CNTN4: variants seen among roughly 807,000 people sequenced by gnomAD.
CNTN4 encodes contactin 4.
In CNTN4, 77 loss-of-function variants were observed where a neutral mutation model predicts 122.5. That is an observed-to-expected ratio of 0.63 (90% confidence interval 0.52 to 0.76). The LOEUF (loss-of-function observed/expected upper bound fraction) is 0.76, where lower values mean the gene tolerates loss of function less well. CNTN4 is among the 30% of genes least tolerant of loss of function. The probability of loss-of-function intolerance (pLI) is 0.00; values close to 1 mark genes in which losing one functional copy is unlikely to be tolerated. For synonymous variants in CNTN4, 512 were observed against 447.0 expected (o/e 1.15, Z -1.83); for missense variants, 1,256 against 1,259.1 (o/e 1.00, Z 0.04).
intron 24 of CNTN4, among the ~76,000 whole-genome samples, chr3:3,055,587 A>T (rs1259427971): frequency 6.6e-6 from 1 of 152,218 alleles, no homozygotes; most frequent in Non-Finnish European, 1.5e-5. Flanking sequence ...GTTTGCAGAA[A>T]AGGGGTAGAT....
chr3:2,940,282 A>G (rs1026326138), intron 13 of CNTN4, among the ~76,000 whole-genome samples: 5 of 152,248 alleles, frequency 3.3e-5, no homozygotes, highest in Non-Finnish European at 5.9e-5. Flanking sequence ...AGGTATCATG[A>G]ATGGACAGTG....
intron 2 of CNTN4, among the ~76,000 whole-genome samples, chr3:2,239,730 A>G (rs2039856789): frequency 6.6e-6 from 1 of 152,206 alleles, no homozygotes. Context: ...TACAGGGACC[A>G]AGGGAGAAAG....
At chr3:2,177,987 A>T (rs1005128197) in intron 2 of CNTN4, among the ~76,000 whole-genome samples, 23 of 151,906 alleles carry the variant, frequency 1.5e-4, no homozygotes, top group Admixed American at 1.5e-3. Context: ...CTTATTCCAT[A>T]TTCCTAAATT....
At chr3:2,798,366 A>ATCTACCTATCTATCTATCTATCTATCT (rs57013365) in intron 6 of CNTN4, among the ~76,000 whole-genome samples, 2 of 135,374 alleles carry the variant, frequency 1.5e-5, no homozygotes, top group African/African-American at 5.3e-5. Context: ...TACACACATA[A>ATCTACCTATCTATCTATCTATCTATCT]ATCTATCTAT....
chr3:2,811,315 G>A (rs1172041647), intron 6 of CNTN4, among the ~76,000 whole-genome samples: 1 of 150,490 alleles, frequency 6.6e-6, no homozygotes, highest in Admixed American at 6.6e-5. Context: ...GGCTGAGGCA[G>A]GAGAATCACT....
intron 3 of CNTN4, among the ~76,000 whole-genome samples, chr3:2,555,385 A>G (rs1210317248): frequency 6.6e-6 from 1 of 152,202 alleles, no homozygotes; most frequent in East Asian, 1.9e-4. Flanking sequence ...ACATATATTT[A>G]CCATGTACGA....
intron 8 of CNTN4, among the ~76,000 whole-genome samples, chr3:2,873,431 A>G (rs1306232941): frequency 6.6e-6 from 1 of 152,236 alleles, no homozygotes; most frequent in Non-Finnish European, 1.5e-5. Context: ...ACAGTGCGCC[A>G]TTTTGTGAGC....
At chr3:2,382,840 G>C (rs555650744) in intron 3 of CNTN4, among the ~76,000 whole-genome samples, 1 of 152,086 alleles carries the variant, frequency 6.6e-6, no homozygotes, top group Non-Finnish European at 1.5e-5. Context: ...TCGGGAGGCC[G>C]AGGCGGGCGG....
At chr3:2,153,940 C>G (rs1180779931) in intron 2 of CNTN4, among the ~76,000 whole-genome samples, 1 of 152,144 alleles carries the variant, frequency 6.6e-6, no homozygotes, top group Non-Finnish European at 1.5e-5. Context: ...TGAAAAATCA[C>G]AAATGTATAT....
chr3:2,333,007 C>A, intron 2 of CNTN4, among the ~76,000 whole-genome samples: 1 of 152,200 alleles, frequency 6.6e-6, no homozygotes, highest in East Asian at 1.9e-4. Flanking sequence ...GTTGATGTCA[C>A]TGGTTGTTCA....
chr3:2,340,710 TAGAG>T lies in CNTN4; in HGVS notation c.-89+1504_-89+1507del, dbSNP rs747326741. 5.2e-3 allele frequency among the ~76,000 whole-genome samples: 96 copies of T among 18,302 alleles called. 3 individuals carry two copies. Among genetic ancestry groups the T allele is most frequent in the African/African-American group, 7.2e-3 (72 of 9,978 alleles). The allele number at this position is 18,302 out of a possible 152,430, so 12.0% of individuals were successfully genotyped here. ...TTATATATATATATATATATATATA[TAGAG>T]AGAGAGAGAGAGAGAGAGAGAGAGA... On this transcript the variant is annotated intron_variant, in intron 3 of 24. Coordinates refer to ENST00000418658, the MANE Select transcript of CNTN4 (RefSeq NM_175607.3).
chr3:2,406,987 C>G (rs1160286512), intron 3 of CNTN4, among the ~76,000 whole-genome samples: 1 of 152,130 alleles, frequency 6.6e-6, no homozygotes, highest in African/African-American at 2.4e-5. Context: ...AAATTTGAAT[C>G]CAAAGTCTTA....
intron 3 of CNTN4, among the ~76,000 whole-genome samples, chr3:2,469,671 C>T (rs541851240): frequency 1.3e-5 from 2 of 152,220 alleles, no homozygotes; most frequent in Non-Finnish European, 2.9e-5. Context: ...AGTTTTTCAC[C>T]TAGTTTATAG....
chr3:2,589,847 A>G (rs2080381765), intron 4 of CNTN4, among the ~76,000 whole-genome samples: 1 of 152,168 alleles, frequency 6.6e-6, no homozygotes. Context: ...TGTCCTCGTG[A>G]CATGGCCTGT....
chr3:2,833,167 C>T (rs781141149), intron 7 of CNTN4, among the ~76,000 whole-genome samples: 12 of 152,092 alleles, frequency 7.9e-5, no homozygotes, highest in Non-Finnish European at 1.6e-4. Flanking sequence ...TGCTTTTGGT[C>T]AAGTACAAGA....
chr3:2,191,885 C>T (rs1365287372), intron 2 of CNTN4, among the ~76,000 whole-genome samples: 2 of 151,988 alleles, frequency 1.3e-5, no homozygotes, highest in Non-Finnish European at 1.5e-5. Context: ...CCCCCTCCCC[C>T]CACTCCACAA....
chr3:2,757,459 C>G (rs747952524), intron 6 of CNTN4, among the ~76,000 whole-genome samples: 2 of 152,194 alleles, frequency 1.3e-5, no homozygotes, highest in Non-Finnish European at 2.9e-5. Flanking sequence ...GCCCTAGAAA[C>G]TGGCTATTAT....
chr3:2,176,885 A>C (rs1195494154), intron 2 of CNTN4, among the ~76,000 whole-genome samples: 1 of 152,204 alleles, frequency 6.6e-6, no homozygotes, highest in Non-Finnish European at 1.5e-5. Context: ...ATTTATAAGA[A>C]TATTTTGAGA....
intron 12 of CNTN4, among the ~76,000 whole-genome samples, chr3:2,908,338 T>C (rs2094260431): frequency 6.6e-6 from 1 of 152,234 alleles, no homozygotes; most frequent in Non-Finnish European, 1.5e-5. Context: ...CGATGGGGAC[T>C]GCTGATTAAA....
Sources: gnomAD v4.1 joint callset for allele counts (sites outside exome capture counted in the v4.1 genomes callset) on GRCh38, gnomAD v4.1.1 for gene constraint, MANE v1.5 for transcripts, NCBI Gene and HGNC (gene_info 2026-07-23, HGNC 2026-07-21) for gene names.